Variants in PPP3CA observed in about 807,000 individuals in gnomAD.
PPP3CA encodes the protein protein phosphatase 3 catalytic subunit alpha.
PPP3CA carries 14 observed loss-of-function variants against 66.5 expected under a neutral mutation model. The observed-to-expected ratio is 0.21, with a 90% CI of 0.14 to 0.33. PPP3CA has a LOEUF of 0.33. PPP3CA is among the 10% of genes least tolerant of loss of function. The pLI is 1.00. For missense variants in PPP3CA, 317 were observed against 639.5 expected, an observed-to-expected ratio of 0.50 and a Z score of 5.44; for synonymous variants, 232 against 226.2, an observed-to-expected ratio of 1.03 and a Z score of -0.23.
intron 2 of PPP3CA, among the ~76,000 whole-genome samples, chr4:101,119,429 G>C (rs532201093): frequency 3.9e-5 from 6 of 151,970 alleles, no homozygotes; most frequent in African/African-American, 1.4e-4. Flanking sequence ...TGTAATGGTA[G>C]TAATGTTTCA....
intron 1 of PPP3CA, among the ~76,000 whole-genome samples, chr4:101,219,836 A>G (rs1725567745): frequency 6.6e-6 from 1 of 151,864 alleles, no homozygotes; most frequent in African/African-American, 2.4e-5. Flanking sequence ...TTCAAACTCA[A>G]AAGATTTCTA....
Position 101,298,424 on chromosome 4 carries a change from T to G in PPP3CA, c.58+48315A>C, listed in dbSNP as rs1242070763. Among the ~76,000 whole-genome samples the G allele has an allele frequency of 2.6e-5, 4 of 151,948 alleles. No homozygotes were observed. In the South Asian group the frequency reaches 8.3e-4, roughly 32 times the overall value. The stretch of plus-strand genomic sequence containing the variant: ...CAAGTCCACTTATACATGAATTTTT[T>G]TCATTAAGTTATACAGAGTATGCAT... On this transcript the variant is annotated intron_variant, in intron 1 of 13. Transcript: ENST00000394854.
chr4:101,334,916 C>T (rs866577189), intron 1 of PPP3CA, among the ~76,000 whole-genome samples: 1 of 152,142 alleles, frequency 6.6e-6, no homozygotes, highest in African/African-American at 2.4e-5. Flanking sequence ...GGGAAATACA[C>T]ACATATGTAA....
At chr4:101,140,701 T>C (rs899687450) in intron 2 of PPP3CA, among the ~76,000 whole-genome samples, 1 of 152,166 alleles carries the variant, frequency 6.6e-6, no homozygotes, top group Non-Finnish European at 1.5e-5. Context: ...GTTATAAACA[T>C]TGTGTTATGG....
intron 10 of PPP3CA, among the ~76,000 whole-genome samples, chr4:101,041,712 G>T (rs1173639248): frequency 6.6e-6 from 1 of 152,112 alleles, no homozygotes; most frequent in African/African-American, 2.4e-5. Flanking sequence ...GGGATTACAA[G>T]TGTGAGCCAC....
At chr4:101,182,993 TC>T (rs1244262718) in intron 2 of PPP3CA, among the ~76,000 whole-genome samples, 1 of 152,176 alleles carries the variant, frequency 6.6e-6, no homozygotes, top group Non-Finnish European at 1.5e-5. Flanking sequence ...TAAACCTCTT[TC>T]TTTTGTAAAT....
At chr4:101,031,883 T>C (rs1188795397) in intron 12 of PPP3CA, among the ~76,000 whole-genome samples, 4 of 152,224 alleles carry the variant, frequency 2.6e-5, no homozygotes, top group Non-Finnish European at 2.9e-5. Context: ...GTGTATGTGT[T>C]ATCTCATAAA....
intron 8 of PPP3CA, among the ~76,000 whole-genome samples, chr4:101,070,889 T>C (rs777989342): frequency 3.3e-5 from 5 of 152,238 alleles, no homozygotes; most frequent in East Asian, 1.9e-4. Flanking sequence ...ATAGAGTATT[T>C]GAATTTCTTC....
At chr4:101,125,947 T>A (rs1325939157) in intron 2 of PPP3CA, among the ~76,000 whole-genome samples, 1 of 152,232 alleles carries the variant, frequency 6.6e-6, no homozygotes, top group Non-Finnish European at 1.5e-5. Flanking sequence ...GAACTTGCTT[T>A]CTTTTCATGG....
intron 6 of PPP3CA, among the ~76,000 whole-genome samples, chr4:101,093,497 A>C (rs754611535): frequency 1.3e-5 from 2 of 152,190 alleles, no homozygotes; most frequent in African/African-American, 2.4e-5. Context: ...GAAACCAAAA[A>C]AATAATGACT....
At chr4:101,344,733 T>G (rs528998284) in intron 1 of PPP3CA, among the ~76,000 whole-genome samples, 3 of 152,280 alleles carry the variant, frequency 2.0e-5, no homozygotes, top group Non-Finnish European at 2.9e-5. Context: ...GTATAAACAT[T>G]TATTTTTACA....
intron 1 of PPP3CA, among the ~76,000 whole-genome samples, chr4:101,243,654 C>G (rs1726384692): frequency 6.6e-6 from 1 of 152,056 alleles, no homozygotes; most frequent in Non-Finnish European, 1.5e-5. Flanking sequence ...AATACTACCC[C>G]ATTTTATATA....
At position 101,312,428 on chromosome 4, in the gene PPP3CA, A is replaced by G. The variant is rs544661945; in HGVS notation, c.58+34311T>C. Among the ~76,000 whole-genome samples the G allele has an allele frequency of 2.6e-5, 4 of 152,102 alleles. No individual in the cohort carries two copies. In the South Asian group the frequency reaches 8.3e-4, roughly 31 times the overall value. On this transcript the variant is annotated intron_variant, in intron 1 of 13. Coordinates refer to ENST00000394854, the MANE Select transcript of PPP3CA (RefSeq NM_000944.5). The stretch of plus-strand genomic sequence containing the variant: ...TGGAACTTATTAAACATTATTTTTT[A>G]TTAAATAATAAAAGAATTCACTGGG...
intron 2 of PPP3CA, among the ~76,000 whole-genome samples, chr4:101,128,789 G>C (rs1722331692): frequency 6.6e-6 from 1 of 152,118 alleles, no homozygotes. Flanking sequence ...ACACCACAAG[G>C]GCCCTGGGTT....
chr4:101,207,333 T>TA (rs971838651), intron 1 of PPP3CA, among the ~76,000 whole-genome samples: 16 of 152,210 alleles, frequency 1.1e-4, no homozygotes, highest in Non-Finnish European at 2.1e-4. Context: ...AAGACATTTT[T>TA]AATTGCTAAA....
chr4:101,161,800 G>C (rs1723517819), intron 2 of PPP3CA, among the ~76,000 whole-genome samples: 1 of 152,146 alleles, frequency 6.6e-6, no homozygotes, highest in South Asian at 2.1e-4. Context: ...AAAGAACAGG[G>C]AAGGCCAGTG....
At chr4:101,091,242 A>T (rs1729925770) in intron 6 of PPP3CA, among the ~76,000 whole-genome samples, 1 of 152,208 alleles carries the variant, frequency 6.6e-6, no homozygotes, top group East Asian at 1.9e-4. Context: ...TAGAAAGTTA[A>T]CACTAGCTTT....
intron 1 of PPP3CA, among the ~76,000 whole-genome samples, chr4:101,324,891 A>T (rs932679274): frequency 6.6e-6 from 1 of 152,214 alleles, no homozygotes. Flanking sequence ...TTTTCAATAT[A>T]TGATTTACAA....
chr4:101,319,921 T>C (rs1302472577), intron 1 of PPP3CA, among the ~76,000 whole-genome samples: 1 of 152,164 alleles, frequency 6.6e-6, no homozygotes, highest in African/African-American at 2.4e-5. Flanking sequence ...GCCTTATACC[T>C]GAATTTCATC....
Sources: gnomAD v4.1 joint callset for allele counts (sites outside exome capture counted in the v4.1 genomes callset) on GRCh38, gnomAD v4.1.1 for gene constraint, MANE v1.5 for transcripts, NCBI Gene and HGNC (gene_info 2026-07-23, HGNC 2026-07-21) for gene names.